Variants in AP3B1 observed in about 807,000 individuals in gnomAD.
AP3B1 encodes AP-3 complex subunit beta-1.
A neutral mutation model predicts 132.5 loss-of-function variants in AP3B1; 61 were observed. That is an observed-to-expected ratio of 0.46 (90% confidence interval 0.37 to 0.57). The LOEUF is 0.57. Ranked by LOEUF, AP3B1 falls within the 20% of genes least tolerant of loss-of-function variation. The pLI, the probability that AP3B1 is intolerant of heterozygous loss-of-function variation, is 0.00. For synonymous variants in AP3B1, 388 were observed against 438.3 expected, an observed-to-expected ratio of 0.89 and a Z score of 1.43; for missense variants, 1,120 against 1,289.4, an observed-to-expected ratio of 0.87 and a Z score of 2.01.
intron 8 of AP3B1, among the ~76,000 whole-genome samples, chr5:78,180,902 AAT>A (rs1306050229): frequency 6.6e-6 from 1 of 151,948 alleles, no homozygotes; most frequent in Non-Finnish European, 1.5e-5. Flanking sequence ...ATTCTTCTAA[AAT>A]ATAAATGGTT....
intron 21 of AP3B1, among the ~76,000 whole-genome samples, chr5:78,093,737 T>C (rs1304081707): frequency 6.6e-6 from 1 of 152,244 alleles, no homozygotes; most frequent in African/African-American, 2.4e-5. Context: ...AACCCAGTAA[T>C]GCCTATCATG....
At chr5:78,180,368 C>T (rs1744315547) in intron 8 of AP3B1, among the ~76,000 whole-genome samples, 1 of 151,922 alleles carries the variant, frequency 6.6e-6, no homozygotes, top group Admixed American at 6.6e-5. Flanking sequence ...ATCCGTCAAG[C>T]CTTTGGATAT....
chr5:78,161,251 T>C (rs1305556386), intron 13 of AP3B1, among the ~76,000 whole-genome samples: 1 of 151,800 alleles, frequency 6.6e-6, no homozygotes, highest in Non-Finnish European at 1.5e-5. Flanking sequence ...TGCTTTAAAA[T>C]CCAAAGCTTG....
intron 7 of AP3B1, among the ~76,000 whole-genome samples, chr5:78,203,847 T>C (rs1440973316): frequency 6.6e-6 from 1 of 152,204 alleles, no homozygotes; most frequent in African/African-American, 2.4e-5. Flanking sequence ...CCATTCATTT[T>C]CTGCCTGTTC....
chr5:78,098,693 T>C (rs373322), intron 21 of AP3B1, among the ~76,000 whole-genome samples: 26,687 of 152,226 alleles, frequency 0.18, 2,878 homozygotes, highest in Admixed American at 0.28. Flanking sequence ...TGCAATGAAA[T>C]TTTTGTATAT....
rs976430277 is a variant in AP3B1, at chr5:78,061,570, G to A, written c.2578-22296C>T. Among the ~76,000 whole-genome samples the A allele has an allele frequency of 2.6e-5, 4 of 152,194 alleles. No homozygotes were observed. The East Asian group carries it at 7.7e-4, about 29-fold the overall frequency. On this transcript the variant is annotated intron_variant, in intron 22 of 26. Coordinates refer to ENST00000255194, the MANE Select transcript of AP3B1 (RefSeq NM_003664.5). ...TTGATGTAATGCCTAGAAGTAAAAT[G>A]AACCTGTGAACATTTTCTGGTATAA...
intron 17 of AP3B1, among the ~76,000 whole-genome samples, chr5:78,117,461 C>T (rs1188476973): frequency 6.6e-6 from 1 of 151,902 alleles, no homozygotes; most frequent in Admixed American, 6.6e-5. Context: ...AGGCACCCAC[C>T]ACCACGCCCA....
chr5:78,184,601 T>C (rs1445930044), intron 7 of AP3B1, among the ~76,000 whole-genome samples: 1 of 150,420 alleles, frequency 6.6e-6, no homozygotes, highest in Non-Finnish European at 1.5e-5. Flanking sequence ...GGCAGGAGAA[T>C]GGCGTGAACC....
chr5:78,136,718 G>A (rs1320498218), intron 15 of AP3B1, among the ~76,000 whole-genome samples: 1 of 128,430 alleles, frequency 7.8e-6, no homozygotes. Context: ...TTGTACTTCT[G>A]GTTTTTTTTT....
intron 22 of AP3B1, among the ~76,000 whole-genome samples, chr5:78,045,537 C>T (rs114406906): frequency 2.5e-3 from 386 of 152,030 alleles, no homozygotes; most frequent in African/African-American, 9.0e-3. Flanking sequence ...GAGTGGGTTC[C>T]ATAAATACTT....
chr5:78,284,093 A>C (rs1749170739), intron 1 of AP3B1, among the ~76,000 whole-genome samples: 1 of 152,226 alleles, frequency 6.6e-6, no homozygotes, highest in African/African-American at 2.4e-5. Context: ...GTTCTGTGAT[A>C]ATAGAAATAA....
At chr5:78,230,345 G>A (rs1197785464) in intron 3 of AP3B1, among the ~76,000 whole-genome samples, 2 of 152,068 alleles carry the variant, frequency 1.3e-5, no homozygotes, top group Non-Finnish European at 2.9e-5. Context: ...AACTTAATGA[G>A]CAAACAAACT....
At chr5:78,223,164 C>T (rs936018260) in intron 6 of AP3B1, among the ~76,000 whole-genome samples, 3 of 151,588 alleles carry the variant, frequency 2.0e-5, no homozygotes, top group African/African-American at 7.3e-5. Context: ...GTGGCCAGAG[C>T]CACATTTCTT....
In AP3B1 at chr5:78,158,370, T is replaced by C. The variant is rs114763941; in HGVS notation, c.1364-2003A>G. On this transcript the variant is annotated intron_variant, in intron 13 of 26. Coordinates refer to ENST00000255194, the MANE Select transcript of AP3B1 (RefSeq NM_003664.5). ...TATTCAGGAGGCTGAAGCAGGAGAA[T>C]CACCTGGGCCAAGGAAGGTTGAGGC... Among the ~76,000 whole-genome samples, 1,262 of 151,874 alleles carry C rather than the reference T, an allele frequency of 8.3e-3. 19 individuals are homozygous for C. The highest frequency in any genetic ancestry group is 0.027 in the African/African-American group (1,113 of 41,404).
intron 26 of AP3B1, 134 bp from the exon 27 acceptor site, chr5:78,003,189 A>G (rs994453591): frequency 9.7e-7 from 1 of 1,034,534 alleles, no homozygotes; most frequent in Non-Finnish European, 1.4e-6. Context: ...ATTGCCAAAA[A>G]CCCAAAGCCA....
intron 7 of AP3B1, among the ~76,000 whole-genome samples, chr5:78,202,186 C>G (rs1366282005): frequency 6.6e-6 from 1 of 152,172 alleles, no homozygotes; most frequent in East Asian, 1.9e-4. Context: ...TGCCTTTCAC[C>G]TTCCACCATG....
intron 11 of AP3B1, among the ~76,000 whole-genome samples, chr5:78,171,573 T>C (rs12657134): frequency 0.041 from 6,181 of 152,290 alleles, 189 homozygotes; most frequent in East Asian, 0.13. Flanking sequence ...TTCTGATTTT[T>C]GCACATTGAG....
At chr5:78,198,173 C>G (rs977808183) in intron 7 of AP3B1, among the ~76,000 whole-genome samples, 2 of 152,110 alleles carry the variant, frequency 1.3e-5, no homozygotes, top group African/African-American at 4.8e-5. Context: ...TCCAAGGCAG[C>G]CTGAAGGGTG....
chr5:78,001,155 G>C (rs1302689761), downstream of AP3B1: 1 of 152,118 alleles, frequency 6.6e-6, no homozygotes, highest in Non-Finnish European at 1.5e-5. Flanking sequence ...GGAAAAATAA[G>C]ACCTTTCTCA....
Sources: allele counts gnomAD v4.1 joint callset (sites outside exome capture counted in the v4.1 genomes callset), GRCh38; gene constraint gnomAD v4.1.1; transcripts MANE v1.5; gene names NCBI Gene and HGNC (gene_info 2026-07-23, HGNC 2026-07-21).